Variants in HEMK2 observed in about 807,000 individuals in gnomAD.
The protein encoded by HEMK2 is HemK methyltransferase 2, ETF1 glutamine and histone H4 lysine.
the HEMK2 span, among the ~76,000 whole-genome samples, chr21:28,854,253 C>T: frequency 6.6e-6 from 1 of 152,130 alleles, no homozygotes; most frequent in Non-Finnish European, 1.5e-5. Context: ...ATGTCAAATG[C>T]ATTTATTTTG....
the HEMK2 span, among the ~76,000 whole-genome samples, chr21:28,642,441 C>A: frequency 2.0e-5 from 3 of 152,212 alleles, no homozygotes; most frequent in Non-Finnish European, 4.4e-5. Context: ...CTGGTGGGAG[C>A]AGGCTCTACG....
chr21:28,711,841 T>C, the HEMK2 span, among the ~76,000 whole-genome samples: 1 of 152,054 alleles, frequency 6.6e-6, no homozygotes, highest in Non-Finnish European at 1.5e-5. Flanking sequence ...AAGATCAGGG[T>C]GCCCATATTT....
chr21:28,857,804 G>T, the HEMK2 span, among the ~76,000 whole-genome samples: 1 of 152,044 alleles, frequency 6.6e-6, no homozygotes, highest in South Asian at 2.1e-4. Flanking sequence ...TACTCTCTAT[G>T]TTAAATCTAC....
At chr21:28,651,091 G>A in the HEMK2 span, among the ~76,000 whole-genome samples, 1 of 152,142 alleles carries the variant, frequency 6.6e-6, no homozygotes, top group South Asian at 2.1e-4. Flanking sequence ...TCTTATTCAG[G>A]AAGATAGTTA....
chr21:28,674,029 G>A, the HEMK2 span, among the ~76,000 whole-genome samples: 4 of 152,144 alleles, frequency 2.6e-5, no homozygotes, highest in African/African-American at 7.2e-5. Flanking sequence ...GATGAGATAC[G>A]AAGTCAGCAA....
chr21:28,679,322 T>C, the HEMK2 span, among the ~76,000 whole-genome samples: 4 of 152,104 alleles, frequency 2.6e-5, no homozygotes, highest in Non-Finnish European at 5.9e-5. Flanking sequence ...GGTAAAGGGA[T>C]CAATTCAACA....
the HEMK2 span, among the ~76,000 whole-genome samples, chr21:28,679,878 A>AT: frequency 6.6e-6 from 1 of 152,086 alleles, no homozygotes; most frequent in Non-Finnish European, 1.5e-5. Context: ...ACATACCAGA[A>AT]TCTCTGGGAC....
chr21:28,793,859 G>T, the HEMK2 span, among the ~76,000 whole-genome samples: 1 of 152,200 alleles, frequency 6.6e-6, no homozygotes, highest in Non-Finnish European at 1.5e-5. Flanking sequence ...TGGAATTAAT[G>T]CAGCCAGAAG....
the HEMK2 span, among the ~76,000 whole-genome samples, chr21:28,696,762 G>A: frequency 3.9e-5 from 6 of 152,214 alleles, no homozygotes; most frequent in Admixed American, 6.5e-5. Flanking sequence ...TAGACATCCA[G>A]GAATTTCCAT....
At chr21:28,822,296 C>T in the HEMK2 span, among the ~76,000 whole-genome samples, 4 of 152,016 alleles carry the variant, frequency 2.6e-5, no homozygotes, top group Non-Finnish European at 5.9e-5. Flanking sequence ...TGATATCATT[C>T]CAAATTGAGC....
the HEMK2 span, among the ~76,000 whole-genome samples, chr21:28,647,867 C>A: frequency 6.6e-6 from 1 of 152,230 alleles, no homozygotes; most frequent in Non-Finnish European, 1.5e-5. Context: ...AGGGCAAGAA[C>A]AAGAGGGAGT....
At chr21:28,802,731 G>A in the HEMK2 span, among the ~76,000 whole-genome samples, 2 of 151,968 alleles carry the variant, frequency 1.3e-5, no homozygotes, top group Non-Finnish European at 1.5e-5. Context: ...ACTCCGTCTC[G>A]AAAACAAATA....
chr21:28,883,045 G>C, the HEMK2 span: 2 of 1,603,840 alleles, frequency 1.2e-6, no homozygotes, highest in African/African-American at 2.7e-5. Context: ...ACCAGACCCT[G>C]ACCCTACTTC....
At chr21:28,882,129 G>A in the HEMK2 span, 1 of 1,526,692 alleles carries the variant, frequency 6.6e-7, no homozygotes, top group East Asian at 2.3e-5. Flanking sequence ...TATTTGAAAA[G>A]AAAATTATTA....
the HEMK2 span, among the ~76,000 whole-genome samples, chr21:28,707,875 T>C: frequency 1.1e-4 from 17 of 152,296 alleles, no homozygotes; most frequent in African/African-American, 4.1e-4. Context: ...ACAATCTTTA[T>C]TGTCAATTAA....
chr21:28,671,012 T>C, the HEMK2 span: 1 of 152,134 alleles, frequency 6.6e-6, no homozygotes. Context: ...TCAAAGAAAG[T>C]GATGCAACAG....
At chr21:28,742,908 GTCT>G in the HEMK2 span, among the ~76,000 whole-genome samples, 1 of 152,114 alleles carries the variant, frequency 6.6e-6, no homozygotes, top group East Asian at 1.9e-4. Flanking sequence ...ACGGTCTTCT[GTCT>G]TCTTCTCCTA....
chr21:28,654,198 C>A, the HEMK2 span, among the ~76,000 whole-genome samples: 756 of 152,194 alleles, frequency 5.0e-3, 6 homozygotes, highest in African/African-American at 0.017. Context: ...AGAACAGGTT[C>A]GTACAATGAA....
At chr21:28,773,993 C>T in the HEMK2 span, among the ~76,000 whole-genome samples, 8 of 152,080 alleles carry the variant, frequency 5.3e-5, no homozygotes, top group Non-Finnish European at 8.8e-5. Context: ...CCAAGTTTTC[C>T]TTATCATTTG....
Sources: gnomAD v4.1 joint callset for allele counts (sites outside exome capture counted in the v4.1 genomes callset) on GRCh38, gnomAD v4.1.1 for gene constraint, MANE v1.5 for transcripts, NCBI Gene and HGNC (gene_info 2026-07-23, HGNC 2026-07-21) for gene names.